RARB: variants seen among roughly 807,000 people sequenced by gnomAD.
The protein encoded by RARB is retinoic acid receptor beta.
RARB carries 17 observed loss-of-function variants against 51.9 expected under a neutral mutation model. The observed-to-expected ratio is 0.33, with a 90% CI of 0.22 to 0.49. The LOEUF is 0.49. RARB is among the 20% of genes least tolerant of loss of function. The pLI is 0.99. For missense variants in RARB, 369 were observed against 550.8 expected, an observed-to-expected ratio of 0.67 and a Z score of 3.30; for synonymous variants, 215 against 195.4, an observed-to-expected ratio of 1.10 and a Z score of -0.84.
intron 5 of RARB, among the ~76,000 whole-genome samples, chr3:25,258,116 A>C (rs1275666785): frequency 2.0e-5 from 3 of 152,154 alleles, no homozygotes; most frequent in Admixed American, 1.3e-4. Flanking sequence ...GTTGACGAAT[A>C]GCTGGCAGAG....
At chr3:25,489,181 A>C (rs1479192772) in intron 2 of RARB, among the ~76,000 whole-genome samples, 1 of 152,242 alleles carries the variant, frequency 6.6e-6, no homozygotes, top group Non-Finnish European at 1.5e-5. Flanking sequence ...ATGTTGTTTA[A>C]AAGAACTTTT....
At chr3:24,914,534 T>C (rs1423568083) in intron 2 of RARB, among the ~76,000 whole-genome samples, 1 of 152,118 alleles carries the variant, frequency 6.6e-6, no homozygotes, top group Non-Finnish European at 1.5e-5. Context: ...CTGGTTCTGG[T>C]TCCCCTCTCA....
At chr3:25,498,439 A>T (rs923448132) in intron 2 of RARB, among the ~76,000 whole-genome samples, 1 of 152,174 alleles carries the variant, frequency 6.6e-6, no homozygotes, top group Non-Finnish European at 1.5e-5. Context: ...ACCTCATAGC[A>T]TATATTTTAG....
intron 2 of RARB, among the ~76,000 whole-genome samples, chr3:25,006,439 C>A (rs922676673): frequency 6.6e-6 from 1 of 152,102 alleles, no homozygotes. Context: ...ATAAAGAAAA[C>A]TACCCATCTG....
intron 5 of RARB, among the ~76,000 whole-genome samples, chr3:25,265,448 A>G (rs1014618342): frequency 3.9e-5 from 6 of 152,146 alleles, no homozygotes; most frequent in African/African-American, 1.4e-4. Flanking sequence ...AAACAACCAC[A>G]AATTTGGCAG....
intron 5 of RARB, among the ~76,000 whole-genome samples, chr3:25,289,152 T>C (rs1703724671): frequency 6.6e-6 from 1 of 152,240 alleles, no homozygotes; most frequent in Non-Finnish European, 1.5e-5. Context: ...ATTTCAAATA[T>C]CAGCTTCACC....
chr3:25,310,670 A>G (rs1203395768), intron 5 of RARB, among the ~76,000 whole-genome samples: 1 of 152,144 alleles, frequency 6.6e-6, no homozygotes, highest in Non-Finnish European at 1.5e-5. Context: ...CTGCGTGACT[A>G]TGGGCTGACA....
At chr3:25,505,590 A>G (rs1210149580) in intron 3 of RARB, among the ~76,000 whole-genome samples, 2 of 138,148 alleles carry the variant, frequency 1.4e-5, no homozygotes, top group African/African-American at 5.6e-5. Context: ...TATACCTTGT[A>G]TTTTCCAAGG....
At chr3:24,882,130 CTT>C (rs1440236855) in intron 2 of RARB, among the ~76,000 whole-genome samples, 6 of 152,094 alleles carry the variant, frequency 3.9e-5, no homozygotes, top group African/African-American at 1.4e-4. Context: ...ACAGGCAAGA[CTT>C]AGGAGATTTA....
In RARB at chr3:25,518,567, G is replaced by T. The variant is rs1185651985; in HGVS notation, c.448+17244G>T. ...CATGCAAAAGCAAGGCAATCCTTAT[G>T]ACCTTAGACCCAAAAGAAATAACGA... On this transcript the variant is annotated intron_variant, in intron 3 of 7. Transcript: ENST00000330688. Among the ~76,000 whole-genome samples the T allele has an allele frequency of 2.6e-5, 4 of 152,214 alleles. No homozygotes were observed. The East Asian group carries it at 5.8e-4, about 22-fold the overall frequency.
At chr3:25,213,738 T>G (rs955044402) in intron 5 of RARB, among the ~76,000 whole-genome samples, 1 of 152,196 alleles carries the variant, frequency 6.6e-6, no homozygotes. Flanking sequence ...GAATAATGTT[T>G]AGGAGTGCTT....
intron 5 of RARB, among the ~76,000 whole-genome samples, chr3:25,262,600 G>GT (rs1703027795): frequency 6.6e-6 from 1 of 152,086 alleles, no homozygotes; most frequent in Non-Finnish European, 1.5e-5. Context: ...TTCAAGTCCA[G>GT]CAATGGCTGG....
At chr3:25,545,698 C>A (rs931993760) in intron 3 of RARB, among the ~76,000 whole-genome samples, 2 of 152,140 alleles carry the variant, frequency 1.3e-5, no homozygotes, top group East Asian at 3.9e-4. Flanking sequence ...AGCCCACAGA[C>A]CAAGGGCTGC....
chr3:24,963,990 A>G lies in RARB; in HGVS notation c.-379-96135A>G, dbSNP rs1575094360. Among the ~76,000 whole-genome samples, 4 of 152,250 alleles carry G rather than the reference A, an allele frequency of 2.6e-5. No homozygotes were observed. In the South Asian group the frequency reaches 8.3e-4, roughly 32 times the overall value. On this transcript the variant is annotated intron_variant, in intron 2 of 11. Transcript: ENST00000383772. ...CAGCAGAGGGCTTCCATACCTGACA[A>G]ATGATGTCTGAACAGAACAAAAGGG...
chr3:25,050,388 A>C (rs763362377), intron 2 of RARB, among the ~76,000 whole-genome samples: 2 of 152,214 alleles, frequency 1.3e-5, no homozygotes, highest in Non-Finnish European at 2.9e-5. Flanking sequence ...GATAAGAACC[A>C]TAATACTTCT....
intron 3 of RARB, among the ~76,000 whole-genome samples, chr3:25,540,179 A>G (rs1036370169): frequency 8.5e-5 from 13 of 152,178 alleles, no homozygotes; most frequent in Non-Finnish European, 1.5e-5. Flanking sequence ...TAATTGATCA[A>G]TTCCTTCCTT....
intron 5 of RARB, among the ~76,000 whole-genome samples, chr3:25,203,336 A>G (rs1387155249): frequency 6.6e-6 from 1 of 152,064 alleles, no homozygotes; most frequent in East Asian, 1.9e-4. Flanking sequence ...TCTGCATGTG[A>G]GATGGGTTTC....
At chr3:25,208,900 C>G (rs541934803) in intron 5 of RARB, among the ~76,000 whole-genome samples, 42 of 152,258 alleles carry the variant, frequency 2.8e-4, no homozygotes, top group African/African-American at 1.0e-3. Context: ...AAGGTCTTTC[C>G]TCTTACGAAG....
chr3:25,346,665 G>A (rs555086607), intron 5 of RARB, among the ~76,000 whole-genome samples: 1 of 152,274 alleles, frequency 6.6e-6, no homozygotes, highest in South Asian at 2.1e-4. Context: ...AGCTCGAAGT[G>A]GCTGATTGCT....
Sources: allele counts gnomAD v4.1 joint callset (sites outside exome capture counted in the v4.1 genomes callset), GRCh38; gene constraint gnomAD v4.1.1; transcripts MANE v1.5; gene names NCBI Gene and HGNC (gene_info 2026-07-23, HGNC 2026-07-21).